C5: variants seen among roughly 807,000 people sequenced by gnomAD.
The protein encoded by C5 is C3 and PZP-like alpha-2-macroglobulin domain-containing protein 4.
A neutral mutation model predicts 218.8 loss-of-function variants in C5; 140 were observed. That is an observed-to-expected ratio of 0.64 (90% CI 0.56 to 0.74). The LOEUF is 0.74. Among genes scored for constraint, C5 ranks in the 30% least tolerant of loss-of-function variants. C5 has a pLI of 0.00. For synonymous variants in C5, 614 were observed against 682.3 expected (o/e 0.90, Z 1.56); for missense variants, 1,700 against 1,969.6 (o/e 0.86, Z 2.59).
intron 39 of C5, 38 bp from the exon 40 acceptor site, chr9:120,953,906 A>G (rs1265956716): frequency 1.2e-6 from 2 of 1,608,426 alleles, no homozygotes; most frequent in Admixed American, 1.7e-5. Context: ...TATACCATTC[A>G]TGTTTTAATG....
chr9:120,997,536 GT>G lies in C5; in HGVS notation c.2790+10del, dbSNP rs753999811. 1 of 1,579,820 alleles carries G rather than the reference GT, an allele frequency of 6.3e-7. No individual in the cohort carries two copies. The highest frequency in any genetic ancestry group is 1.1e-5 in the South Asian group (1 of 90,286). ...ATTTAAGCATAAGTTATTGAAGCAT[GT>G]TTTTCTTACCACCACTCGTAATGTT... On this transcript the variant is annotated intron_variant, in intron 21 of 40. Transcript: ENST00000223642.
rs548177842 is a variant in C5 at position 121,011,883 on chromosome 9, A to G, written c.2257+1990T>C. ...TGAAATAAGTCAGGCACAGAAAGAC[A>G]AAATTCACATGTTCTCACTTATTTG... On this transcript the variant is annotated intron_variant, in intron 17 of 40. Transcript: ENST00000223642. 1.2e-4 allele frequency among the ~76,000 whole-genome samples: 18 copies of G among 152,346 alleles called. No individual in the cohort carries two copies. The South Asian group carries it at 3.7e-3, about 32-fold the overall frequency.
rs764879797 is a variant in C5 at position 120,980,206 on chromosome 9, T to C, written c.3535A>G (p.Thr1179Ala). Residue 1179 changes from threonine (T) to alanine (A), a missense_variant, in exon 28 of 41, where the codon ACA becomes GCA. Coordinates refer to ENST00000223642, the MANE Select transcript of C5 (RefSeq NM_001735.3). ...GTAAAGGTGCTCTGGGCTGGCAGTG[T>C]ATTTTCAAGCAGAAAGTTGTCAGCT... ...IKADNFLLEN[T>A]LPAQSTFTLA... The C allele has an allele frequency of 3.1e-6, 5 of 1,614,176 alleles. No individual in the cohort carries two copies. In the East Asian group the frequency reaches 1.1e-4, roughly 36 times the overall value.
At chr9:120,997,244 C>A (rs1045957008) in intron 21 of C5, among the ~76,000 whole-genome samples, 1 of 152,074 alleles carries the variant, frequency 6.6e-6, no homozygotes, top group Non-Finnish European at 1.5e-5. Flanking sequence ...AGACGTGTAC[C>A]AATTGTTAAA....
At position 121,034,850 on chromosome 9, in the gene C5, A is replaced by G. The variant is rs781601783; in HGVS notation, c.537T>C (p.His179=). The change falls in exon 5 of 41, where the codon CAT becomes CAC. Residue 179 remains histidine (H), a synonymous_variant. Coordinates refer to ENST00000223642, the MANE Select transcript of C5 (RefSeq NM_001735.3). ...AGTCAGGAAAAGAGATAATTCCAAT[A>G]TGATCAATTTCTTCTACCATGTCAA... ...SEVDMVEEID[H]IGIISFPDFK... The G allele has an allele frequency of 6.3e-7, 1 of 1,597,640 alleles. No individual in the cohort carries two copies. Among genetic ancestry groups the G allele is most frequent in the Non-Finnish European group, 8.6e-7 (1 of 1,165,988 alleles).
chr9:120,977,002 G>A, intron 28 of C5, 97 bp from the exon 29 acceptor site: 1 of 1,059,502 alleles, frequency 9.4e-7, no homozygotes, highest in South Asian at 1.3e-5. Flanking sequence ...GTTTCTAGAA[G>A]CTACTTACTT....
At chr9:120,971,215 C>T (rs1164813920) in intron 31 of C5, among the ~76,000 whole-genome samples, 1 of 149,554 alleles carries the variant, frequency 6.7e-6, no homozygotes, top group Non-Finnish European at 1.5e-5. Context: ...TGCCAAGTGG[C>T]TAAAATGAAG....
chr9:120,993,773 G>A (rs1468512544), intron 22 of C5, among the ~76,000 whole-genome samples: 1 of 152,070 alleles, frequency 6.6e-6, no homozygotes, highest in African/African-American at 2.4e-5. Context: ...AGACAGAATA[G>A]GATCTATAGC....
intron 8 of C5, among the ~76,000 whole-genome samples, chr9:121,026,541 AG>A (rs2131787588): frequency 6.6e-6 from 1 of 152,302 alleles, no homozygotes; most frequent in South Asian, 2.1e-4. Context: ...TCTTTGTTGT[AG>A]GGGCCTGCCC....
At chr9:120,963,504 CA>C (rs111500884) in intron 34 of C5, 131 bp downstream of exon 34, 109,684 of 554,026 alleles carry the variant, frequency 0.2, 145 homozygotes, top group South Asian at 0.28. Context: ...AATCCACCTC[CA>C]AAAAAAAAAA....
chr9:121,029,078 TA>T (rs1228746698), intron 7 of C5, among the ~76,000 whole-genome samples: 1 of 152,196 alleles, frequency 6.6e-6, no homozygotes, highest in Non-Finnish European at 1.5e-5. Flanking sequence ...GATCTATTCA[TA>T]AAAAATTTAA....
At chr9:121,038,012 A>G (rs981270959) in intron 3 of C5, 61 bp from the exon 4 acceptor site, 9 of 787,536 alleles carry the variant, frequency 1.1e-5, no homozygotes, top group Non-Finnish European at 1.7e-5. Flanking sequence ...TTGATTTTTT[A>G]AAACAACCAT....
At chr9:121,002,626 C>G (rs1271500776) in intron 20 of C5, among the ~76,000 whole-genome samples, 1 of 151,994 alleles carries the variant, frequency 6.6e-6, no homozygotes, top group Non-Finnish European at 1.5e-5. Context: ...GTCTTAGTAT[C>G]TCAGTTTCCA....
In C5 at chr9:121,021,465, A is replaced by G. The variant is rs759422192; in HGVS notation, c.1302+44T>C. ...ACACTAGCCAAAACACATGGTCAAGAGTACACATTGTCCTAGAAAATACAA... is the reference window on the plus strand; with the variant it reads ...ACACTAGCCAAAACACATGGTCAAGGGTACACATTGTCCTAGAAAATACAA... On this transcript the variant is annotated intron_variant, in intron 11 of 40. Coordinates refer to ENST00000223642, the MANE Select transcript of C5 (RefSeq NM_001735.3). 1.0e-5 allele frequency: 15 copies of G among 1,480,334 alleles called. No individual in the cohort carries two copies. In the Admixed American group the frequency reaches 2.3e-4, roughly 23 times the overall value. The allele number at this position is 1,480,334 out of a possible 1,614,324, so 91.7% of individuals were successfully genotyped here. A position where few individuals can be genotyped will look rare whatever the true frequency, so the allele number is the denominator to read the frequency against.
At chr9:120,954,891 A>C (rs2046773793) in intron 39 of C5, among the ~76,000 whole-genome samples, 1 of 152,216 alleles carries the variant, frequency 6.6e-6, no homozygotes, top group Non-Finnish European at 1.5e-5. Flanking sequence ...TATCTGAGCA[A>C]CATTACCAGT....
At chr9:121,022,804 GA>G (rs1223754864) in intron 10 of C5, among the ~76,000 whole-genome samples, 4 of 151,606 alleles carry the variant, frequency 2.6e-5, no homozygotes, top group Non-Finnish European at 4.4e-5. Flanking sequence ...TTTAGAGGAG[GA>G]AAAGAAGGTG....
At chr9:121,024,927 T>C (rs1327605162) in intron 9 of C5, among the ~76,000 whole-genome samples, 1 of 152,196 alleles carries the variant, frequency 6.6e-6, no homozygotes. Flanking sequence ...AAACTGAACT[T>C]ATTTAAAATA....
At chr9:120,990,125 G>A (rs2047066213) in intron 23 of C5, among the ~76,000 whole-genome samples, 1 of 152,186 alleles carries the variant, frequency 6.6e-6, no homozygotes, top group Non-Finnish European at 1.5e-5. Flanking sequence ...GCAAAGCAAA[G>A]AGCCTGAACA....
intron 25 of C5, among the ~76,000 whole-genome samples, chr9:120,983,405 C>T (rs2047009969): frequency 6.6e-6 from 1 of 152,104 alleles, no homozygotes; most frequent in African/African-American, 2.4e-5. Context: ...TTGGGTTCAT[C>T]CCCCCATAAC....
Sources: allele counts gnomAD v4.1 joint callset (sites outside exome capture counted in the v4.1 genomes callset), GRCh38; gene constraint gnomAD v4.1.1; transcripts MANE v1.5; gene names NCBI Gene and HGNC (gene_info 2026-07-23, HGNC 2026-07-21).